TBC1D4: variants seen among roughly 807,000 people sequenced by gnomAD.
The protein encoded by TBC1D4 is TBC1 domain family member 4, also known as TBC (Tre-2, BUB2, CDC16) domain-containing protein.
A neutral mutation model predicts 142.5 loss-of-function variants in TBC1D4; 121 were observed. The ratio of observed to expected loss-of-function variants is 0.85; its 90% CI spans 0.73 to 0.99. The LOEUF (loss-of-function observed/expected upper bound fraction) is 0.99, where lower values mean the gene tolerates loss of function less well. TBC1D4 is among the 50% of genes least tolerant of loss of function. The probability of loss-of-function intolerance (pLI) is 0.00; values close to 1 mark genes in which losing one functional copy is unlikely to be tolerated. For missense variants in TBC1D4, 1,475 were observed against 1,606.6 expected (o/e 0.92, Z 1.40); for synonymous variants, 630 against 628.2 (o/e 1.00, Z -0.04).
At chr13:75,347,224 T>C (rs564983613) in intron 5 of TBC1D4, among the ~76,000 whole-genome samples, 12 of 152,242 alleles carry the variant, frequency 7.9e-5, no homozygotes, top group Non-Finnish European at 1.3e-4. Context: ...GTTGTTTCCA[T>C]TTTCATTTCT....
In TBC1D4 at chr13:75,449,608, T is replaced by TG. The variant is rs1265819970; in HGVS notation, c.498+31661dup. 8.3e-4 allele frequency among the ~76,000 whole-genome samples: 124 copies of TG among 149,522 alleles called. 1 individual carries two copies. The highest frequency in any genetic ancestry group is 8.0e-4 in the Non-Finnish European group (54 of 67,378). ...CATAGTTTTTTTTTTTTTTTTGAGA[T>TG]GGAGTCTTGCTCTGTTGCCTAGGCT... On this transcript the variant is annotated intron_variant, in intron 1 of 20. Transcript: ENST00000377636.
chr13:75,456,351 A>G (rs1887734397), intron 1 of TBC1D4, among the ~76,000 whole-genome samples: 1 of 152,220 alleles, frequency 6.6e-6, no homozygotes, highest in South Asian at 2.1e-4. Flanking sequence ...AAGAGCTTCT[A>G]TTTCTCAAAA....
At position 75,404,038 on chromosome 13, in the gene TBC1D4, C is replaced by T. The variant is rs531543605; in HGVS notation, c.499-41431G>A. ...TGGTGTAACTGTAAATTAGAATAGG[C>T]TTTTGTAGGGGGGATATATATACAT... On this transcript the variant is annotated intron_variant, in intron 1 of 20. Transcript: ENST00000377636. 2.6e-5 allele frequency among the ~76,000 whole-genome samples: 3 copies of T among 117,078 alleles called. No homozygotes were observed. In the South Asian group the frequency reaches 7.0e-4, roughly 27 times the overall value. 76.8% of individuals were successfully genotyped at this position (117,078 alleles called of 152,430 possible).
Position 75,362,752 on chromosome 13 carries a change from C to T in TBC1D4, c.499-145G>A, listed in dbSNP as rs972717290. 3 of 817,576 alleles carry T rather than the reference C, an allele frequency of 3.7e-6. No individual in the cohort carries two copies. The highest frequency in any genetic ancestry group is 2.6e-5 in the East Asian group (1 of 38,070). 50.6% of individuals were successfully genotyped at this position (817,576 alleles called of 1,614,324 possible). A position where few individuals can be genotyped will look rare whatever the true frequency, so the allele number is the denominator to read the frequency against. ...GACACTACACGAGACAGAGCATACA[C>T]TTACATTATTTGACATAAATGACTT... On this transcript the variant is annotated intron_variant, in intron 1 of 20. Transcript: ENST00000377636. The surrounding 1 kb of genome is among the most constrained non-coding windows in gnomAD (Gnocchi z 4.2).
rs1272960082 is a variant in TBC1D4 at position 75,306,391 on chromosome 13, T to A, written c.2674A>T (p.Thr892Ser). The change falls in exon 15 of 21, where the codon ACT (threonine) becomes TCT (serine). Residue 892 changes from threonine to serine, a missense_variant. Thr to Ser is a moderately conservative substitution (Grantham distance 58). Transcript: ENST00000377636. The part of the protein sequence containing the change: ...VGACQKEVLI[T>S]WDKKLLNCRA... The stretch of plus-strand genomic sequence containing the variant: ...CAGTTTAACAACTTCTTATCCCAAG[T>A]TATTAAGACCTCTTTCTGACATGCA... 1 of 1,613,346 alleles carries A rather than the reference T, an allele frequency of 6.2e-7. No individual in the cohort carries two copies. Among genetic ancestry groups the A allele is most frequent in the African/African-American group, 1.3e-5 (1 of 74,920 alleles).
chr13:75,433,858 T>A (rs1385393011), intron 1 of TBC1D4, among the ~76,000 whole-genome samples: 1 of 152,090 alleles, frequency 6.6e-6, no homozygotes, highest in African/African-American at 2.4e-5. Flanking sequence ...GCAAAGGACA[T>A]GAACAGACAC....
intron 7 of TBC1D4, among the ~76,000 whole-genome samples, chr13:75,339,428 T>C (rs1014108986): frequency 1.3e-5 from 2 of 152,140 alleles, no homozygotes; most frequent in Non-Finnish European, 2.9e-5. Flanking sequence ...AAGTCAGGCC[T>C]GCCAGTAACT....
intron 12 of TBC1D4, among the ~76,000 whole-genome samples, chr13:75,319,783 T>C (rs1427887934): frequency 6.6e-6 from 1 of 152,188 alleles, no homozygotes; most frequent in South Asian, 2.1e-4. Flanking sequence ...AATTTCAGCA[T>C]GGAATAGAGT....
At chr13:75,428,406 C>A (rs1886464414) in intron 1 of TBC1D4, among the ~76,000 whole-genome samples, 1 of 152,128 alleles carries the variant, frequency 6.6e-6, no homozygotes, top group Non-Finnish European at 1.5e-5. Context: ...ACCCTCTACC[C>A]TTAAACTTTT....
chr13:75,334,254 T>C (rs187231426), intron 8 of TBC1D4, among the ~76,000 whole-genome samples: 10 of 152,264 alleles, frequency 6.6e-5, no homozygotes, highest in Non-Finnish European at 1.5e-4. Flanking sequence ...CTTTCAAGGT[T>C]TTTATGTCTT....
At chr13:75,475,087 C>T (rs994266230) in intron 1 of TBC1D4, among the ~76,000 whole-genome samples, 1 of 152,198 alleles carries the variant, frequency 6.6e-6, no homozygotes, top group African/African-American at 2.4e-5. Context: ...GCTCAATAAA[C>T]GTTCACTTTT....
chr13:75,410,196 C>T (rs1262391760), intron 1 of TBC1D4, among the ~76,000 whole-genome samples: 2 of 152,262 alleles, frequency 1.3e-5, no homozygotes, highest in African/African-American at 2.4e-5. Flanking sequence ...ATTCACATCA[C>T]GTCCTCTTTA....
chr13:75,452,747 G>A (rs1209049469), intron 1 of TBC1D4, among the ~76,000 whole-genome samples: 2 of 152,188 alleles, frequency 1.3e-5, no homozygotes, highest in African/African-American at 2.4e-5. Context: ...TGATATATGA[G>A]TGATACGGAG....
intron 19 of TBC1D4, among the ~76,000 whole-genome samples, chr13:75,290,473 A>C (rs2137830170): frequency 6.6e-6 from 1 of 152,262 alleles, no homozygotes; most frequent in African/African-American, 2.4e-5. Context: ...CAATTTCCTC[A>C]TTAATTTTAG....
intron 8 of TBC1D4, among the ~76,000 whole-genome samples, chr13:75,335,969 G>C (rs2138053932): frequency 6.6e-6 from 1 of 152,126 alleles, no homozygotes; most frequent in East Asian, 1.9e-4. Context: ...GATTTTTAAA[G>C]TTCTTATAGT....
chr13:75,469,152 G>A (rs1354274766), intron 1 of TBC1D4, among the ~76,000 whole-genome samples: 1 of 152,286 alleles, frequency 6.6e-6, no homozygotes, highest in East Asian at 1.9e-4. Flanking sequence ...TTTAAGAGTT[G>A]AGCTTGTTTA....
chr13:75,437,459 A>C (rs1374738141), intron 1 of TBC1D4, among the ~76,000 whole-genome samples: 1 of 152,206 alleles, frequency 6.6e-6, no homozygotes, highest in African/African-American at 2.4e-5. Flanking sequence ...TTTTTGTATT[A>C]TTCTTTCAAT....
chr13:75,451,116 G>A (rs906570771), intron 1 of TBC1D4, among the ~76,000 whole-genome samples: 9 of 152,098 alleles, frequency 5.9e-5, no homozygotes, highest in African/African-American at 1.4e-4. Flanking sequence ...ATTGCAGTGC[G>A]CATGAAGAGC....
chr13:75,317,461 A>C (rs1360564434), intron 12 of TBC1D4, among the ~76,000 whole-genome samples: 1 of 152,214 alleles, frequency 6.6e-6, no homozygotes, highest in Non-Finnish European at 1.5e-5. Context: ...CAAAATGTAT[A>C]CACTTTTAAC....
Sources: gnomAD v4.1 joint callset for allele counts (sites outside exome capture counted in the v4.1 genomes callset) on GRCh38, gnomAD v4.1.1 for gene constraint, Gnocchi (gnomAD v3.1) non-coding constraint, MANE v1.5 for transcripts, NCBI Gene and HGNC (gene_info 2026-07-23, HGNC 2026-07-21) for gene names.